DRC8: variants seen among roughly 807,000 people sequenced by gnomAD.
DRC8 encodes the protein dynein regulatory complex subunit 8.
the DRC8 span, among the ~76,000 whole-genome samples, chr1:245,106,414 A>C: frequency 6.6e-6 from 1 of 152,288 alleles, no homozygotes; most frequent in South Asian, 2.1e-4. Flanking sequence ...TGATAACAGT[A>C]CACCATGAAT....
chr1:245,032,502 A>G, the DRC8 span, among the ~76,000 whole-genome samples: 1 of 152,208 alleles, frequency 6.6e-6, no homozygotes, highest in Non-Finnish European at 1.5e-5. Flanking sequence ...TCCAGTTTCT[A>G]CTGAGAGCTC....
chr1:245,108,768 C>T, the DRC8 span, among the ~76,000 whole-genome samples: 2 of 152,174 alleles, frequency 1.3e-5, no homozygotes, highest in Non-Finnish European at 2.9e-5. Flanking sequence ...TCCCTCCTTC[C>T]ACTCTACTCC....
chr1:245,093,620 C>T, the DRC8 span, among the ~76,000 whole-genome samples: 4,858 of 150,250 alleles, frequency 0.032, 253 homozygotes, highest in African/African-American at 0.11. Flanking sequence ...TGCTTGAACC[C>T]GGGAGATAGA....
the DRC8 span, among the ~76,000 whole-genome samples, chr1:245,039,337 A>C: frequency 1.1e-5 from 1 of 93,238 alleles, no homozygotes; most frequent in Non-Finnish European, 2.0e-5. Context: ...AAAAAAAGCC[A>C]AGTGTGGTGG....
chr1:245,042,322 A>G, the DRC8 span, among the ~76,000 whole-genome samples: 2 of 152,240 alleles, frequency 1.3e-5, no homozygotes, highest in African/African-American at 2.4e-5. Context: ...ACATAGGACT[A>G]TATAAGAAAT....
the DRC8 span, among the ~76,000 whole-genome samples, chr1:245,037,336 G>A: frequency 6.6e-6 from 1 of 152,174 alleles, no homozygotes; most frequent in Admixed American, 6.5e-5. Context: ...TCTGTGTTGG[G>A]AAGTTTATTA....
At chr1:245,073,973 A>G in the DRC8 span, among the ~76,000 whole-genome samples, 4 of 152,350 alleles carry the variant, frequency 2.6e-5, no homozygotes, top group South Asian at 4.1e-4. Flanking sequence ...CAAAGACACT[A>G]TTGAAGATGC....
chr1:245,103,205 A>G, the DRC8 span, among the ~76,000 whole-genome samples: 1 of 90,944 alleles, frequency 1.1e-5, no homozygotes, highest in Non-Finnish European at 2.1e-5. Flanking sequence ...GAGACCAGAG[A>G]GGCCAAGCAT....
chr1:245,110,673 T>C, the DRC8 span, among the ~76,000 whole-genome samples: 1 of 152,272 alleles, frequency 6.6e-6, no homozygotes, highest in Non-Finnish European at 1.5e-5. Context: ...AGTTTGTGTA[T>C]GGAAGGCAAA....
the DRC8 span, among the ~76,000 whole-genome samples, chr1:245,064,318 A>G: frequency 6.6e-6 from 1 of 152,352 alleles, no homozygotes; most frequent in African/African-American, 2.4e-5. Context: ...AAGATAGGTC[A>G]GTGATAAGAA....
At chr1:245,047,187 G>A in the DRC8 span, among the ~76,000 whole-genome samples, 7 of 152,200 alleles carry the variant, frequency 4.6e-5, no homozygotes, top group East Asian at 1.9e-4. Flanking sequence ...GAAAACCCAC[G>A]TGTAACTTTT....
chr1:245,106,750 C>T, the DRC8 span, among the ~76,000 whole-genome samples: 2 of 152,130 alleles, frequency 1.3e-5, no homozygotes, highest in Non-Finnish European at 2.9e-5. Context: ...ATTAAGAATT[C>T]ATATGATATG....
the DRC8 span, chr1:245,086,736 G>C: frequency 1.9e-6 from 1 of 533,410 alleles, no homozygotes; most frequent in Admixed American, 1.9e-5. Context: ...GTGACAGGTG[G>C]TGTCGTTATC....
the DRC8 span, among the ~76,000 whole-genome samples, chr1:245,085,461 G>A: frequency 1.3e-5 from 2 of 152,156 alleles, no homozygotes; most frequent in African/African-American, 2.4e-5. Context: ...AGACATTATC[G>A]ATGTGTAAAA....
At chr1:245,072,883 G>A in the DRC8 span, among the ~76,000 whole-genome samples, 1 of 152,026 alleles carries the variant, frequency 6.6e-6, no homozygotes, top group Non-Finnish European at 1.5e-5. Context: ...GCCATGTGAT[G>A]TGCCTGTTGC....
chr1:245,111,937 G>A, the DRC8 span, among the ~76,000 whole-genome samples: 10 of 152,330 alleles, frequency 6.6e-5, no homozygotes, highest in Middle Eastern at 3.4e-3. Context: ...TGCAGGCTGA[G>A]GCCAGAGGAT....
At chr1:245,009,294 A>G in the DRC8 span, among the ~76,000 whole-genome samples, 1 of 151,696 alleles carries the variant, frequency 6.6e-6, no homozygotes, top group African/African-American at 2.4e-5. Flanking sequence ...CGGCCTCCCA[A>G]AGTGCTGGGA....
chr1:245,097,258 C>T, the DRC8 span, among the ~76,000 whole-genome samples: 2 of 152,094 alleles, frequency 1.3e-5, no homozygotes, highest in African/African-American at 4.8e-5. The surrounding 1 kb of genome is among the most constrained non-coding windows in gnomAD (Gnocchi z 5.0). Flanking sequence ...TGGTGGCTCA[C>T]GCCTGTAATC....
the DRC8 span, chr1:245,123,380 A>C: frequency 6.6e-6 from 1 of 152,516 alleles, no homozygotes; most frequent in African/African-American, 2.4e-5. The surrounding 1 kb of genome is among the most constrained non-coding windows in gnomAD (Gnocchi z 5.0). Context: ...GTTAAGGGAC[A>C]CAGGCCATAC....
Sources: gnomAD v4.1 joint callset for allele counts (sites outside exome capture counted in the v4.1 genomes callset) on GRCh38, gnomAD v4.1.1 for gene constraint, Gnocchi (gnomAD v3.1) non-coding constraint, MANE v1.5 for transcripts, NCBI Gene and HGNC (gene_info 2026-07-23, HGNC 2026-07-21) for gene names.